CFAP74: variants seen among roughly 807,000 people sequenced by gnomAD.
CFAP74 encodes the protein cilia and flagella associated protein 74.
Under a neutral mutation model 188.9 loss-of-function variants are expected in CFAP74, and 124 were observed. That is an observed-to-expected ratio of 0.66 (90% confidence interval 0.57 to 0.76). CFAP74 has a LOEUF of 0.76. Among genes scored for constraint, CFAP74 ranks in the 30% least tolerant of loss-of-function variants. CFAP74 has a pLI of 0.00. For synonymous variants in CFAP74, 956 were observed against 916.7 expected (o/e 1.04, Z -0.77); for missense variants, 2,198 against 2,165.2 (o/e 1.02, Z -0.30).
Position 1,923,445 on chromosome 1 carries a change from C to A in CFAP74, c.4444G>T (p.Val1482Leu), listed in dbSNP as rs145205436. Residue 1482 changes from valine to leucine, a missense_variant, in exon 36 of 39, where the codon GTG becomes TTG. Physicochemically the swap from Val to Leu is conservative, Grantham distance 32. Transcript: ENST00000682832. The surrounding 1 kb of genome is among the most constrained non-coding windows in gnomAD (Gnocchi z 6.3). ...ACGTCCAGGGGGTCGCCGCCCTCCA[C>A]GAACATCATGTGCTGACAGGCGGCA... is the stretch of plus-strand genomic sequence containing the variant. ...KGAACQHMMFVEGGDPLDVPV... is the reference protein window; with the variant it reads ...KGAACQHMMFLEGGDPLDVPV... 1 of 1,610,836 alleles carries A rather than the reference C, an allele frequency of 6.2e-7. No individual in the cohort carries two copies. The highest frequency in any genetic ancestry group is 1.1e-5 in the South Asian group (1 of 90,608).
chr1:1,954,486 GAA>G (rs1654404083), intron 18 of CFAP74: 1 of 154,562 alleles, frequency 6.5e-6, no homozygotes, highest in South Asian at 2.0e-4. Context: ...CAACCACTTT[GAA>G]AAAGAACTCG....
At chr1:1,925,686 G>A (rs980395160) in intron 33 of CFAP74, 97 bp downstream of exon 33, 6 of 1,395,144 alleles carry the variant, frequency 4.3e-6, no homozygotes, top group Middle Eastern at 2.2e-4. Flanking sequence ...CGGGCTCTCC[G>A]ACCCACGGGT....
intron 25 of CFAP74, among the ~76,000 whole-genome samples, chr1:1,932,021 G>A (rs1184485798): frequency 2.1e-5 from 3 of 139,854 alleles, no homozygotes; most frequent in Non-Finnish European, 4.5e-5. Context: ...AGCTGAGATC[G>A]CCCCACTGCA....
At chr1:1,959,315 G>A (rs1204402243) in intron 15 of CFAP74, 106 bp from the exon 16 acceptor site, 3 of 735,450 alleles carry the variant, frequency 4.1e-6, no homozygotes, top group Admixed American at 2.3e-5. Flanking sequence ...GGGGTGCAGT[G>A]GCACCTGCTC....
rs1374445988 is a variant in CFAP74, at chr1:1,925,869, C to A, written c.4018G>T (p.Ala1340Ser). The A allele has an allele frequency of 1.9e-6, 3 of 1,612,586 alleles. No individual in the cohort carries two copies. The African/African-American group carries it at 4.0e-5, about 22-fold the overall frequency. The change falls in exon 33 of 39, where the codon GCG becomes TCG. Residue 1340 changes from alanine to serine, a missense_variant. Transcript: ENST00000682832. Reference protein sequence around the residue: ...LTLTLMGTGVASMITCSIEGS... With the variant: ...LTLTLMGTGVSSMITCSIEGS... Reference sequence around the variant, plus strand: ...TCAATGGAGCACGTGATCATGGACGCCACGCCAGTGCCCATGAGGGTGAGG... The same window carrying A: ...TCAATGGAGCACGTGATCATGGACGACACGCCAGTGCCCATGAGGGTGAGG...
At position 1,971,981 on chromosome 1, in the gene CFAP74, C is replaced by T. The variant is rs530214001; in HGVS notation, c.887G>A (p.Arg296Gln). 20 of 1,608,122 alleles carry T rather than the reference C, an allele frequency of 1.2e-5. No individual in the cohort carries two copies. Among genetic ancestry groups the T allele is most frequent in the African/African-American group, 8.0e-5 (6 of 75,054 alleles). Residue 296 changes from arginine (R) to glutamine (Q), a missense_variant and splice_region_variant, in exon 9 of 39, where the codon CGG becomes CAG. Arg to Gln is a conservative substitution (Grantham distance 43). Transcript: ENST00000682832. Reference protein sequence around the residue: ...VALKGSISANRDTLRKFQAWD... With the variant: ...VALKGSISANQDTLRKFQAWD... ...CTGGGTGGGGCTGCGGGGGCCTACC[C>T]GGTTCGCGGAGATGCTGCCCTTCAG... is the stretch of plus-strand genomic sequence containing the variant.
intron 25 of CFAP74, among the ~76,000 whole-genome samples, chr1:1,935,988 C>T (rs952216125): frequency 4.0e-5 from 6 of 151,604 alleles, no homozygotes; most frequent in Non-Finnish European, 7.4e-5. Context: ...GAGGCTGAGG[C>T]GGGCAGATCA....
intron 18 of CFAP74, among the ~76,000 whole-genome samples, chr1:1,950,716 G>A (rs961951639): frequency 3.9e-5 from 6 of 152,200 alleles, no homozygotes; most frequent in African/African-American, 7.2e-5. Flanking sequence ...ATTTTTTATC[G>A]GATTTGTGAT....
Position 1,996,282 on chromosome 1 carries a change from C to A in CFAP74, c.-19-5307G>T, listed in dbSNP as rs1657909379. On this transcript the variant is annotated intron_variant, in intron 1 of 38. Transcript: ENST00000682832. The stretch of plus-strand genomic sequence containing the variant: ...TTACAGGTGTGAACCACTGTGCCTG[C>A]CCAAACTCTCTACAGTTTAAGAGAG... Among the ~76,000 whole-genome samples the A allele has an allele frequency of 1.3e-5, 2 of 152,102 alleles. 1 individual carries two copies. Among genetic ancestry groups the A allele is most frequent in the Non-Finnish European group, 2.9e-5 (2 of 68,012 alleles).
rs531877711 is a variant in CFAP74, at chr1:1,985,388, G to T, written c.498C>A (p.Ser166Arg). 6.2e-7 allele frequency: 1 copy of T among 1,613,140 alleles called. No homozygotes were observed. The highest frequency in any genetic ancestry group is 8.5e-7 in the Non-Finnish European group (1 of 1,179,326). ...QSRTEAVLKE[S>R]ENTMWHIEIQ... ...GTCCCGGCTGCACACCGACTCACTC[G>T]CTCTCCTTCAGCACGGCCTCAGTCC... is the stretch of plus-strand genomic sequence containing the variant. The change falls in exon 6 of 39, where the codon AGC (serine) becomes AGA (arginine). Residue 166 changes from serine (S) to arginine (R), a missense_variant and splice_region_variant. Physicochemically the swap from Ser to Arg is moderately radical, Grantham distance 110 (BLOSUM62 -1). Transcript: ENST00000682832.
Position 1,923,650 on chromosome 1 carries a change from T to C in CFAP74, c.4389+125A>G. The C allele has an allele frequency of 2.0e-6, 3 of 1,537,322 alleles. No homozygotes were observed. The highest frequency in any genetic ancestry group is 2.7e-6 in the Non-Finnish European group (3 of 1,124,150). ...TGGTCTTTCCACTGACGGCCCTCAGTGTGGTGCTGAGTCCCCCAGCCATGG... is the reference window on the plus strand; with the variant it reads ...TGGTCTTTCCACTGACGGCCCTCAGCGTGGTGCTGAGTCCCCCAGCCATGG... On this transcript the variant is annotated intron_variant, in intron 35 of 38. Coordinates refer to ENST00000682832, the MANE Select transcript of CFAP74 (RefSeq NM_001304360.2). The surrounding 1 kb of genome is among the most constrained non-coding windows in gnomAD (Gnocchi z 6.3).
At position 1,926,482 on chromosome 1, in the gene CFAP74, T is replaced by C. The variant is rs1437841544; in HGVS notation, c.3803A>G (p.Gln1268Arg). 5 of 1,550,070 alleles carry C rather than the reference T, an allele frequency of 3.2e-6. No individual in the cohort carries two copies. Among genetic ancestry groups the C allele is most frequent in the Middle Eastern group, 1.7e-4 (1 of 6,012 alleles). The change falls in exon 31 of 39, where the codon CAG becomes CGG. Residue 1268 changes from glutamine (Q) to arginine (R), a missense_variant. Transcript: ENST00000682832. ...GHRSIKKISI[Q>R]NVSPEDLALD... ...GGCCAGATCCTCGGGAGAGACGTTC[T>C]GGATGGAGATCTTCTTGATACTGCG...
At chr1:1,954,999 G>A (rs886476869) in intron 18 of CFAP74, 16 of 1,133,760 alleles carry the variant, frequency 1.4e-5, no homozygotes, top group South Asian at 1.5e-5. Context: ...GAAAGGAAAC[G>A]CCACGCAGTG....
rs1432121957 is a variant in CFAP74 at position 1,938,917 on chromosome 1, G to A, written c.2949C>T (p.Ile983=). ...LPLETLQFCV[I]FQPTKAEEHR... is the part of the protein sequence containing the mutation. ...GTTCCTCGGCCTTGGTGGGCTGGAA[G>A]ATCACACAGAACTGCAGCGTTTCCA... Residue 983 remains isoleucine (I), a synonymous_variant, in exon 25 of 39, where the codon ATC becomes ATT. Transcript: ENST00000682832. 1 of 1,536,182 alleles carries A rather than the reference G, an allele frequency of 6.5e-7. No individual in the cohort carries two copies. Among genetic ancestry groups the A allele is most frequent in the South Asian group, 1.2e-5 (1 of 84,064 alleles).
At chr1:1,934,381 TACGTGTGTGTTAG>T in intron 25 of CFAP74, among the ~76,000 whole-genome samples, 1 of 126,000 alleles carries the variant, frequency 7.9e-6, no homozygotes, top group Middle Eastern at 4.5e-3. Flanking sequence ...CACACATGTG[TACGTGTGTGTTAG>T]GTTGTAGGTA....
chr1:2,002,935 T>A, intron 1 of CFAP74, among the ~76,000 whole-genome samples: 1 of 149,026 alleles, frequency 6.7e-6, no homozygotes, highest in South Asian at 2.1e-4. Flanking sequence ...AAATTTTATA[T>A]AAATATAAAG....
rs532855453 is a variant in CFAP74, at chr1:1,947,035, T to G, written c.2196A>C (p.Thr732=). The change falls in exon 19 of 39, where the codon ACA becomes ACC. Residue 732 remains threonine, a synonymous_variant. Transcript: ENST00000682832. ...TCTGCTCTTCGCTGGGAGGTATCAC[T>G]GTGGTTAATCTCTCTGGTTCTGGAA... ...EQPAEPERLT[T]VIPPSEEQTE... 1 of 1,536,036 alleles carries G rather than the reference T, an allele frequency of 6.5e-7. No individual in the cohort carries two copies. The highest frequency in any genetic ancestry group is 2.4e-5 in the East Asian group (1 of 40,924).
rs575243778 is a variant in CFAP74 at position 1,928,747 on chromosome 1, C to T, written c.3387+37G>A. On this transcript the variant is annotated intron_variant, in intron 27 of 38. Coordinates refer to ENST00000682832, the MANE Select transcript of CFAP74 (RefSeq NM_001304360.2). ...GAGTTTGTTCCTGCAACAGGCCCTT[C>T]CCCGACCTACGCCCCTCCTTCCCGG... 8.1e-6 allele frequency: 12 copies of T among 1,481,016 alleles called. No homozygotes were observed. In the African/African-American group the frequency reaches 1.5e-4, roughly 19 times the overall value. 91.7% of individuals were successfully genotyped at this position (1,481,016 alleles called of 1,614,324 possible). A position where few individuals can be genotyped will look rare whatever the true frequency, so the allele number is the denominator to read the frequency against.
intron 12 of CFAP74, 82 bp from the exon 13 acceptor site, chr1:1,965,143 C>G: frequency 7.2e-7 from 1 of 1,388,298 alleles, no homozygotes; most frequent in South Asian, 1.3e-5. Flanking sequence ...GCGAGGGTAG[C>G]GGTTAGCAGA....
Sources: gnomAD v4.1 joint callset for allele counts (sites outside exome capture counted in the v4.1 genomes callset) on GRCh38, gnomAD v4.1.1 for gene constraint, Gnocchi (gnomAD v3.1) non-coding constraint, MANE v1.5 for transcripts, NCBI Gene and HGNC (gene_info 2026-07-23, HGNC 2026-07-21) for gene names.